ROBO2: variants seen among roughly 807,000 people sequenced by gnomAD.
ROBO2 encodes the protein roundabout guidance receptor 2.
Under a neutral mutation model 160.8 loss-of-function variants are expected in ROBO2, and 53 were observed. The observed-to-expected ratio is 0.33, with a 90% CI of 0.26 to 0.41. The LOEUF is 0.41. ROBO2 is among the 10% of genes least tolerant of loss of function. ROBO2 has a pLI of 1.00. For synonymous variants in ROBO2, 664 were observed against 611.7 expected, an observed-to-expected ratio of 1.09 and a Z score of -1.26; for missense variants, 1,577 against 1,722.4, an observed-to-expected ratio of 0.92 and a Z score of 1.49.
chr3:77,226,663 A>G (rs139371209), intron 2 of ROBO2, among the ~76,000 whole-genome samples: 22 of 152,254 alleles, frequency 1.4e-4, no homozygotes, highest in Admixed American at 5.2e-4. Context: ...ATTGTAAGTC[A>G]AAAAGGCATT....
At chr3:76,160,862 G>A (rs1333288551) in intron 2 of ROBO2, among the ~76,000 whole-genome samples, 1 of 152,080 alleles carries the variant, frequency 6.6e-6, no homozygotes, top group Non-Finnish European at 1.5e-5. Flanking sequence ...GAAATTCACA[G>A]TTCAAGTGAA....
intron 23 of ROBO2, among the ~76,000 whole-genome samples, chr3:77,628,289 C>T (rs115847277): frequency 0.027 from 4,139 of 152,042 alleles, 71 homozygotes; most frequent in South Asian, 0.045. Context: ...AGCCTCTAGC[C>T]GAATTGGTTT....
chr3:77,530,799 A>G (rs2091657792), intron 6 of ROBO2, among the ~76,000 whole-genome samples: 1 of 152,046 alleles, frequency 6.6e-6, no homozygotes, highest in Admixed American at 6.6e-5. Flanking sequence ...AGTACATCGT[A>G]GGATGTAGTT....
At chr3:76,318,183 T>C (rs1576392672) in intron 2 of ROBO2, among the ~76,000 whole-genome samples, 1 of 152,070 alleles carries the variant, frequency 6.6e-6, no homozygotes, top group Non-Finnish European at 1.5e-5. Flanking sequence ...TTAAAGTAGG[T>C]ATATTAAAAA....
At chr3:76,374,281 T>G (rs2076240953) in intron 2 of ROBO2, among the ~76,000 whole-genome samples, 1 of 151,982 alleles carries the variant, frequency 6.6e-6, no homozygotes, top group Admixed American at 6.6e-5. Context: ...TGAAATCTCC[T>G]CTCTGTGACA....
chr3:77,520,592 T>A (rs2090493554), intron 5 of ROBO2, among the ~76,000 whole-genome samples: 1 of 151,212 alleles, frequency 6.6e-6, no homozygotes, highest in African/African-American at 2.4e-5. Context: ...CCATTAACTT[T>A]ATCTCCCCTC....
chr3:77,345,936 C>T (rs563442788), intron 2 of ROBO2, among the ~76,000 whole-genome samples: 9 of 152,216 alleles, frequency 5.9e-5, no homozygotes. Context: ...TGTATGGCGG[C>T]TAAGATGGTA....
chr3:76,127,378 T>C (rs886733708), intron 2 of ROBO2, among the ~76,000 whole-genome samples: 3 of 152,148 alleles, frequency 2.0e-5, no homozygotes, highest in African/African-American at 7.2e-5. Context: ...TAAGTCTAAA[T>C]TTTTTTGTTA....
intron 2 of ROBO2, among the ~76,000 whole-genome samples, chr3:76,298,252 A>G (rs1479862616): frequency 6.6e-6 from 1 of 152,152 alleles, no homozygotes; most frequent in Non-Finnish European, 1.5e-5. Flanking sequence ...AATGGATTGT[A>G]CAAGGGTGAG....
chr3:76,769,518 A>G (rs747193006), intron 2 of ROBO2, among the ~76,000 whole-genome samples: 1 of 151,474 alleles, frequency 6.6e-6, no homozygotes, highest in African/African-American at 2.4e-5. Context: ...TTTGTAAATC[A>G]TAATTCAGAA....
At chr3:76,839,206 G>A (rs948507716) in intron 2 of ROBO2, among the ~76,000 whole-genome samples, 3 of 152,068 alleles carry the variant, frequency 2.0e-5, no homozygotes, top group Non-Finnish European at 4.4e-5. Flanking sequence ...AGAAGGAATT[G>A]AATCTTGAGC....
At chr3:76,212,363 T>G (rs975116444) in intron 2 of ROBO2, among the ~76,000 whole-genome samples, 2 of 151,988 alleles carry the variant, frequency 1.3e-5, no homozygotes, top group African/African-American at 4.8e-5. Flanking sequence ...TTAGAATTTC[T>G]ATTTTGTTTA....
intron 2 of ROBO2, among the ~76,000 whole-genome samples, chr3:77,158,314 T>G (rs1188664356): frequency 1.3e-5 from 2 of 152,050 alleles, no homozygotes; most frequent in Admixed American, 6.6e-5. Flanking sequence ...GCCCCTGTTA[T>G]TAATGTTTGA....
At position 76,800,272 on chromosome 3, in the gene ROBO2, C is replaced by G. The variant is rs143417581; in HGVS notation, c.110-297742C>G. Among the ~76,000 whole-genome samples, 218 of 152,208 alleles carry G rather than the reference C, an allele frequency of 1.4e-3. 1 individual carries two copies. Among genetic ancestry groups the G allele is most frequent in the African/African-American group, 5.1e-3 (212 of 41,538 alleles). Reference sequence around the variant, plus strand: ...AACCTCAAACTGTAAAACTACTAAACGGAAACATTAGGAAGACTCTTCAAG... The same window carrying G: ...AACCTCAAACTGTAAAACTACTAAAGGGAAACATTAGGAAGACTCTTCAAG... On this transcript the variant is annotated intron_variant, in intron 2 of 26. Transcript: ENST00000487694.
chr3:77,292,567 G>C (rs1205188850), intron 2 of ROBO2, among the ~76,000 whole-genome samples: 1 of 151,574 alleles, frequency 6.6e-6, no homozygotes, highest in Non-Finnish European at 1.5e-5. Context: ...AAGTAAAATT[G>C]ATGGTTAAAT....
chr3:75,981,934 A>G (rs2065290507), intron 2 of ROBO2, among the ~76,000 whole-genome samples: 1 of 150,688 alleles, frequency 6.6e-6, no homozygotes, highest in African/African-American at 2.4e-5. Flanking sequence ...TACCCTTCCC[A>G]GCTTCTGGTA....
intron 2 of ROBO2, among the ~76,000 whole-genome samples, chr3:76,132,094 G>T (rs555222966): frequency 6.6e-6 from 1 of 152,118 alleles, no homozygotes; most frequent in African/African-American, 2.4e-5. Context: ...AGGAGTCAGT[G>T]TATGGTCATA....
chr3:76,482,800 G>T (rs904854623), intron 2 of ROBO2, among the ~76,000 whole-genome samples: 8 of 152,018 alleles, frequency 5.3e-5, no homozygotes, highest in African/African-American at 1.7e-4. Context: ...TCAGCGTAGT[G>T]CCTTGGGTAT....
intron 23 of ROBO2, among the ~76,000 whole-genome samples, chr3:77,625,594 T>A (rs969669797): frequency 5.9e-5 from 9 of 152,082 alleles, no homozygotes; most frequent in Non-Finnish European, 1.3e-4. Context: ...ACCAAGAGGG[T>A]CTTGATCTCT....
Sources: gnomAD v4.1 joint callset for allele counts (sites outside exome capture counted in the v4.1 genomes callset) on GRCh38, gnomAD v4.1.1 for gene constraint, MANE v1.5 for transcripts, NCBI Gene and HGNC (gene_info 2026-07-23, HGNC 2026-07-21) for gene names.